Variants in MRO observed in about 807,000 individuals in gnomAD.
MRO encodes the protein protein maestro.
A neutral mutation model predicts 31.0 loss-of-function variants in MRO; 28 were observed. That is an observed-to-expected ratio of 0.90 (90% confidence interval 0.67 to 1.24). The LOEUF (loss-of-function observed/expected upper bound fraction) is 1.24, where lower values mean the gene tolerates loss of function less well. Among genes scored for constraint, MRO ranks in the 50% most tolerant of loss-of-function variants. The pLI is 0.00. For missense variants in MRO, 332 were observed against 289.2 expected (o/e 1.15, Z -1.07); for synonymous variants, 108 against 108.4 (o/e 1.00, Z 0.02).
rs1035072059 is a variant in MRO, at chr18:50,801,351, T to C, written c.583A>G (p.Lys195Glu). 3 of 1,577,942 alleles carry C rather than the reference T, an allele frequency of 1.9e-6. No individual in the cohort carries two copies. The highest frequency in any genetic ancestry group is 2.7e-5 in the African/African-American group (2 of 74,026). The change falls in exon 6 of 8, where the codon AAG becomes GAG. Residue 195 changes from lysine to glutamate, a missense_variant and splice_region_variant. Coordinates refer to ENST00000398439, the MANE Select transcript of MRO (RefSeq NM_031939.6). ...HLQDRNPQVA[K>E]ACKTTFQACS... is the part of the protein sequence containing the mutation. ...TGGTTGCAGAGTCAAGGTCTTACCT[T>C]GGCAACCTGGGGATTTCTGTCCTGT...
upstream of MRO, among the ~76,000 whole-genome samples, chr18:50,824,613 C>A (rs575298812): frequency 6.6e-6 from 1 of 151,070 alleles, no homozygotes; most frequent in East Asian, 2.0e-4. Flanking sequence ...TGCCACCATG[C>A]CTGACTAATT....
chr18:50,819,650 C>T lies in MRO; in HGVS notation c.-74G>A. ...TTCCTGACTCGGGAGGGCTGCTTTC[C>T]CGGGTAGTAGCCAAATGTGATGACT... On this transcript the variant is annotated 5_prime_UTR_variant, in exon 2 of 8. Coordinates refer to ENST00000398439, the MANE Select transcript of MRO (RefSeq NM_031939.6). 3 of 1,551,382 alleles carry T rather than the reference C, an allele frequency of 1.9e-6. No individual in the cohort carries two copies. The highest frequency in any genetic ancestry group is 1.7e-4 in the Middle Eastern group (1 of 6,010).
intron 5 of MRO, among the ~76,000 whole-genome samples, chr18:50,804,643 C>A (rs962447499): frequency 6.6e-6 from 1 of 151,856 alleles, no homozygotes; most frequent in Non-Finnish European, 1.5e-5. Context: ...CAAAAAAACC[C>A]TTGAGGGTTA....
chr18:50,802,872 A>T (rs887726974), intron 5 of MRO, among the ~76,000 whole-genome samples: 1 of 150,454 alleles, frequency 6.6e-6, no homozygotes, highest in African/African-American at 2.5e-5. Context: ...GGGTTGTATT[A>T]TCTTCATGGC....
chr18:50,819,265 C>T (rs1280987894), intron 2 of MRO, among the ~76,000 whole-genome samples: 2 of 152,100 alleles, frequency 1.3e-5, no homozygotes, highest in Non-Finnish European at 2.9e-5. Flanking sequence ...GGAAGACAGA[C>T]CGCATAGACA....
rs770404161 is a variant in MRO at position 50,806,845 on chromosome 18, A to G, written c.105T>C (p.Ser35=). 3.7e-6 allele frequency: 6 copies of G among 1,614,048 alleles called. No individual in the cohort carries two copies. The South Asian group carries it at 5.5e-5, about 15-fold the overall frequency. ...CCCGCTTCTGGAACCTCAGTTTCCAAGAGACCTGGGTGATGGGTCAAAAAT... is the reference window on the plus strand; with the variant it reads ...CCCGCTTCTGGAACCTCAGTTTCCAGGAGACCTGGGTGATGGGTCAAAAAT... ...TSMISFFSKV[S]WKLRFQKREP... is the part of the protein sequence containing the mutation. Residue 35 remains serine (S), a synonymous_variant, in exon 4 of 8, where the codon TCT becomes TCC. Transcript: ENST00000398439.
At chr18:50,825,090 T>A (rs1207185143) in intron 1 of MRO, among the ~76,000 whole-genome samples, 2 of 141,784 alleles carry the variant, frequency 1.4e-5, no homozygotes, top group Non-Finnish European at 3.1e-5. Flanking sequence ...AAAAAAAAAT[T>A]AAAAAAAAAA....
upstream of MRO, among the ~76,000 whole-genome samples, chr18:50,821,185 T>A (rs180872666): frequency 4.3e-4 from 66 of 152,274 alleles, no homozygotes; most frequent in East Asian, 6.0e-3. Context: ...CCTGGCCTTG[T>A]TTGAAAGTGG....
chr18:50,814,088 C>G (rs1914689054), intron 2 of MRO, among the ~76,000 whole-genome samples: 1 of 152,074 alleles, frequency 6.6e-6, no homozygotes, highest in Admixed American at 6.5e-5. Context: ...TCAATAGAAC[C>G]TAATGATTCT....
At chr18:50,807,079 G>T (rs1317704760) in intron 3 of MRO, among the ~76,000 whole-genome samples, 2 of 152,148 alleles carry the variant, frequency 1.3e-5, no homozygotes, top group East Asian at 3.9e-4. Context: ...TGGTGTTGAG[G>T]TAGGTTTAGG....
At chr18:50,816,396 T>G (rs1914925719) in intron 2 of MRO, among the ~76,000 whole-genome samples, 1 of 152,236 alleles carries the variant, frequency 6.6e-6, no homozygotes, top group Non-Finnish European at 1.5e-5. Flanking sequence ...TGGTAGTGGT[T>G]CCAAGAATAA....
intron 3 of MRO, among the ~76,000 whole-genome samples, chr18:50,808,457 C>CTTTT (rs56936277): frequency 1.4e-5 from 2 of 142,652 alleles, no homozygotes; most frequent in African/African-American, 5.2e-5. Flanking sequence ...TTTATCTTAT[C>CTTTT]TTTTTTTTTT....
At chr18:50,821,531 A>G (rs538586516), upstream of MRO, among the ~76,000 whole-genome samples, 1 of 152,352 alleles carries the variant, frequency 6.6e-6, no homozygotes, top group South Asian at 2.1e-4. Flanking sequence ...TAATAAGATT[A>G]TCCGAAGAAC....
At chr18:50,809,725 T>C (rs1259543432) in intron 2 of MRO, among the ~76,000 whole-genome samples, 1 of 152,208 alleles carries the variant, frequency 6.6e-6, no homozygotes, top group Non-Finnish European at 1.5e-5. Flanking sequence ...TTCTCATGAA[T>C]TGAAATACAG....
intron 5 of MRO, 123 bp downstream of exon 5, chr18:50,805,030 TC>T (rs3834980): frequency 0.46 from 327,399 of 718,376 alleles, 75,712 homozygotes; most frequent in South Asian, 0.55. Flanking sequence ...GACCTCGTGA[TC>T]CCACCCGCCT....
At chr18:50,801,695 G>A (rs1335246132) in intron 5 of MRO, among the ~76,000 whole-genome samples, 191 bp from the exon 6 acceptor site, 2 of 152,122 alleles carry the variant, frequency 1.3e-5, no homozygotes, top group East Asian at 1.9e-4. Context: ...CTGGGTGGGT[G>A]GGGGTGGCTT....
intron 2 of MRO, among the ~76,000 whole-genome samples, chr18:50,811,660 G>A (rs1244939092): frequency 1.3e-5 from 2 of 150,376 alleles, no homozygotes; most frequent in Non-Finnish European, 3.0e-5. Context: ...ATGCTACTAT[G>A]AATATCTGTG....
chr18:50,811,162 C>G (rs1389352136), intron 2 of MRO, among the ~76,000 whole-genome samples: 2 of 152,160 alleles, frequency 1.3e-5, no homozygotes, highest in African/African-American at 4.8e-5. Context: ...CTGTGGAGGA[C>G]TCTGACTTCT....
At position 50,795,536 on chromosome 18, in the gene MRO, G is replaced by C. The variant is rs1912720100; in HGVS notation, c.*3801C>G. ...GTGGTCTATTAACTGGAAGTTCACA[G>C]GCTTCTGCTCTCATTCAGTAGCAGA... On this transcript the variant is annotated 3_prime_UTR_variant, in exon 8 of 8. Coordinates refer to ENST00000398439, the MANE Select transcript of MRO (RefSeq NM_031939.6). The C allele has an allele frequency of 6.6e-6, 1 of 152,176 alleles. No individual in the cohort carries two copies. The highest frequency in any genetic ancestry group is 2.4e-5 in the African/African-American group (1 of 41,430). The allele number at this position is 152,176 out of a possible 1,614,324, so 9.4% of individuals were successfully genotyped here.
Sources: gnomAD v4.1 joint callset for allele counts (sites outside exome capture counted in the v4.1 genomes callset) on GRCh38, gnomAD v4.1.1 for gene constraint, MANE v1.5 for transcripts, NCBI Gene and HGNC (gene_info 2026-07-23, HGNC 2026-07-21) for gene names.